Variants in HS6ST2 observed in about 807,000 individuals in gnomAD.
HS6ST2 encodes the protein heparan sulfate 6-O-sulfotransferase 2.
Under a neutral mutation model 33.0 loss-of-function variants are expected in HS6ST2, and 17 were observed. The observed-to-expected ratio is 0.52, with a 90% CI of 0.35 to 0.77. The LOEUF is 0.77. HS6ST2 is among the 30% of genes least tolerant of loss of function. The pLI, the probability that HS6ST2 is intolerant of heterozygous loss-of-function variation, is 0.01. For missense variants in HS6ST2, 519 were observed against 551.7 expected, an observed-to-expected ratio of 0.94 and a Z score of 0.59; for synonymous variants, 248 against 237.1, an observed-to-expected ratio of 1.05 and a Z score of -0.42.
chrX:132,916,960 T>C (rs181982840), intron 2 of HS6ST2, among the ~76,000 whole-genome samples: 11 of 112,060 alleles, frequency 9.8e-5, no homozygotes, highest in Non-Finnish European at 1.9e-4. Flanking sequence ...GTTCTGTTCC[T>C]CCAGAGAACC....
chrX:132,636,462 A>C (rs2063551484), intron 4 of HS6ST2, among the ~76,000 whole-genome samples: 1 of 111,962 alleles, frequency 8.9e-6, no homozygotes, highest in Non-Finnish European at 1.9e-5. Flanking sequence ...TAAAAACAAG[A>C]ATCTTATTTT....
chrX:132,908,388 A>G (rs1021970276), intron 2 of HS6ST2, among the ~76,000 whole-genome samples: 4 of 112,488 alleles, frequency 3.6e-5, no homozygotes, highest in African/African-American at 9.7e-5. Flanking sequence ...GAGTTATCAC[A>G]TGACCCAGCA....
At chrX:132,710,398 TA>T (rs1159485779) in intron 2 of HS6ST2, among the ~76,000 whole-genome samples, 3 of 112,007 alleles carry the variant, frequency 2.7e-5, no homozygotes, top group African/African-American at 9.7e-5. Context: ...GATGTTTTAT[TA>T]AAAAATATTT....
intron 2 of HS6ST2, among the ~76,000 whole-genome samples, chrX:132,918,334 G>A (rs2066615422): frequency 8.9e-6 from 1 of 112,200 alleles, no homozygotes; most frequent in South Asian, 3.8e-4. Context: ...TTCCCAAACT[G>A]TCCCTTCTGG....
intron 2 of HS6ST2, among the ~76,000 whole-genome samples, chrX:132,885,771 A>T (rs1313187598): frequency 8.9e-6 from 1 of 111,814 alleles, no homozygotes; most frequent in Non-Finnish European, 1.9e-5. Flanking sequence ...AACTACACAG[A>T]CAGAGAAAAG....
At chrX:132,638,254 G>A (rs752619495) in intron 4 of HS6ST2, among the ~76,000 whole-genome samples, 2 of 109,645 alleles carry the variant, frequency 1.8e-5, no homozygotes, top group African/African-American at 3.3e-5. Flanking sequence ...CTAAATAAAA[G>A]TATGGTAAAT....
chrX:132,828,532 A>T (rs1244456168), intron 2 of HS6ST2, among the ~76,000 whole-genome samples: 1 of 107,999 alleles, frequency 9.3e-6, no homozygotes, highest in East Asian at 2.9e-4. Context: ...ATCATTTCAG[A>T]TGAGAGAAGA....
At chrX:132,794,272 C>T (rs1188820460) in intron 2 of HS6ST2, among the ~76,000 whole-genome samples, 1 of 111,992 alleles carries the variant, frequency 8.9e-6, no homozygotes, top group Non-Finnish European at 1.9e-5. Flanking sequence ...GGGGATAGCA[C>T]CAATTTTCTC....
At chrX:132,787,552 A>G (rs2065079508) in intron 2 of HS6ST2, among the ~76,000 whole-genome samples, 1 of 97,427 alleles carries the variant, frequency 1.0e-5, no homozygotes, top group Admixed American at 1.1e-4. Flanking sequence ...TTGGCCTCCC[A>G]AAGTGCTGGG....
chrX:132,812,597 A>T (rs1286191763), intron 2 of HS6ST2, among the ~76,000 whole-genome samples: 2 of 103,666 alleles, frequency 1.9e-5, no homozygotes, highest in African/African-American at 3.6e-5. Context: ...GGGGGGAGAA[A>T]TTATTCAAGC....
At chrX:132,715,301 G>T (rs1436851637) in intron 2 of HS6ST2, among the ~76,000 whole-genome samples, 1 of 111,435 alleles carries the variant, frequency 9.0e-6, no homozygotes. Flanking sequence ...TGGGCATGTT[G>T]TCATGTGCCT....
At chrX:132,820,508 G>C (rs1182806600) in intron 2 of HS6ST2, among the ~76,000 whole-genome samples, 1 of 111,387 alleles carries the variant, frequency 9.0e-6, no homozygotes, top group Non-Finnish European at 1.9e-5. Flanking sequence ...TTGCTTGTAG[G>C]CATCGGAGAA....
chrX:132,714,922 G>C (rs1215442324), intron 2 of HS6ST2, among the ~76,000 whole-genome samples: 1 of 111,698 alleles, frequency 9.0e-6, no homozygotes, highest in Non-Finnish European at 1.9e-5. Context: ...GAGCGAATTT[G>C]AGGGGACCTA....
chrX:132,833,786 T>C (rs2065614945), intron 2 of HS6ST2, among the ~76,000 whole-genome samples: 2 of 108,669 alleles, frequency 1.8e-5, no homozygotes, highest in Middle Eastern at 4.7e-3. Flanking sequence ...TAAATTATTA[T>C]ACTTTAAGTT....
intron 2 of HS6ST2, among the ~76,000 whole-genome samples, chrX:132,903,644 A>T (rs984579469): frequency 5.4e-5 from 6 of 111,939 alleles, no homozygotes; most frequent in Non-Finnish European, 1.1e-4. Context: ...AGGGTGCTAA[A>T]ACAGTGGGGA....
chrX:132,943,169 T>C (rs1569505515), intron 2 of HS6ST2, among the ~76,000 whole-genome samples: 1 of 112,059 alleles, frequency 8.9e-6, no homozygotes, highest in Non-Finnish European at 1.9e-5. Context: ...ATATGTTGGA[T>C]CTTGGTATCT....
At chrX:132,819,219 C>T (rs994028733) in intron 2 of HS6ST2, among the ~76,000 whole-genome samples, 3 of 110,993 alleles carry the variant, frequency 2.7e-5, no homozygotes, top group African/African-American at 9.8e-5. Flanking sequence ...CTCTTTCCAC[C>T]ATTCTCAGTG....
chrX:132,789,480 T>C (rs1168906998), intron 2 of HS6ST2, among the ~76,000 whole-genome samples: 2 of 111,851 alleles, frequency 1.8e-5, no homozygotes, highest in Admixed American at 9.5e-5. Context: ...CACAGAGCTC[T>C]ACAAAGAGAT....
rs770437778 is a variant in HS6ST2 at position 132,946,769 on chromosome X, A to T, written c.947+10039T>A. ...TACCCTAGAACTTAAAGTATATATTAAAAAATCTACCTCAGAGGGTTGTCG... is the reference window on the plus strand; with the variant it reads ...TACCCTAGAACTTAAAGTATATATTTAAAAATCTACCTCAGAGGGTTGTCG... On this transcript the variant is annotated intron_variant, in intron 2 of 4. Transcript: ENST00000370833. Among the ~76,000 whole-genome samples the T allele has an allele frequency of 8.0e-5, 9 of 112,079 alleles. No individual in the cohort carries two copies. In the South Asian group the frequency reaches 2.2e-3, roughly 28 times the overall value.
Sources: gnomAD v4.1 joint callset for allele counts (sites outside exome capture counted in the v4.1 genomes callset) on GRCh38, gnomAD v4.1.1 for gene constraint, MANE v1.5 for transcripts, NCBI Gene and HGNC (gene_info 2026-07-23, HGNC 2026-07-21) for gene names.